Variants in FOXN2 observed in about 807,000 individuals in gnomAD.
FOXN2 encodes the protein forkhead box N2, also known as forkhead box protein N2.
A neutral mutation model predicts 41.2 loss-of-function variants in FOXN2; 19 were observed. The ratio of observed to expected loss-of-function variants is 0.46; its 90% CI spans 0.32 to 0.68. FOXN2 has a LOEUF of 0.68. Among genes scored for constraint, FOXN2 ranks in the 30% least tolerant of loss-of-function variants. The pLI is 0.03. For synonymous variants in FOXN2, 195 were observed against 176.8 expected (o/e 1.10, Z -0.82); for missense variants, 587 against 509.4 (o/e 1.15, Z -1.47).
intron 1 of FOXN2, among the ~76,000 whole-genome samples, chr2:48,324,760 G>A (rs768258362): frequency 6.6e-6 from 1 of 152,156 alleles, no homozygotes; most frequent in Non-Finnish European, 1.5e-5. Context: ...TAACTTTAGT[G>A]TTTATGAAGT....
chr2:48,341,969 C>T (rs1219076056), intron 2 of FOXN2, among the ~76,000 whole-genome samples: 1 of 152,172 alleles, frequency 6.6e-6, no homozygotes, highest in East Asian at 1.9e-4. Flanking sequence ...CTTGAGCTCT[C>T]TGATAAGTCC....
chr2:48,342,640 T>C (rs528273579), intron 2 of FOXN2, among the ~76,000 whole-genome samples: 1 of 152,210 alleles, frequency 6.6e-6, no homozygotes, highest in Non-Finnish European at 1.5e-5. Context: ...ATCATTTGCC[T>C]GTTTATCCAT....
chr2:48,361,640 A>C (rs778296214), intron 4 of FOXN2, among the ~76,000 whole-genome samples: 5 of 152,190 alleles, frequency 3.3e-5, no homozygotes, highest in Non-Finnish European at 7.3e-5. Flanking sequence ...AGTCTGAGGA[A>C]AAGAGTGAGA....
intron 5 of FOXN2, among the ~76,000 whole-genome samples, chr2:48,365,456 G>C (rs147232769): frequency 1.3e-5 from 2 of 152,252 alleles, no homozygotes; most frequent in African/African-American, 4.8e-5. Flanking sequence ...TACATATCTT[G>C]AGAACATTTT....
At chr2:48,344,432 A>G (rs1046670996) in intron 2 of FOXN2, among the ~76,000 whole-genome samples, 3 of 152,172 alleles carry the variant, frequency 2.0e-5, no homozygotes, top group Admixed American at 1.3e-4. Context: ...GCCAGCACAT[A>G]TTGTGGTTAG....
At chr2:48,320,077 A>G (rs1454590497) in intron 1 of FOXN2, among the ~76,000 whole-genome samples, 1 of 152,124 alleles carries the variant, frequency 6.6e-6, no homozygotes, top group Non-Finnish European at 1.5e-5. Flanking sequence ...AAATACAGAA[A>G]AAAAGGGGAA....
In FOXN2 at chr2:48,370,920, C is replaced by T. The variant is rs549811410; in HGVS notation, c.704-2372C>T. ...CTTTGTTTTCTCCTGGTAGTTTTAT[C>T]GTTTCAGTTCTTACATTTAGGTCTT... On this transcript the variant is annotated intron_variant, in intron 5 of 6. Coordinates refer to ENST00000340553, the MANE Select transcript of FOXN2 (RefSeq NM_002158.4). Among the ~76,000 whole-genome samples the T allele has an allele frequency of 3.3e-4, 50 of 152,212 alleles. 1 individual carries two copies. The highest frequency in any genetic ancestry group is 1.1e-3 in the African/African-American group (47 of 41,538).
rs1673381263 is a variant in FOXN2, at chr2:48,378,497, T to G, written c.*3054T>G. 1.3e-5 allele frequency: 2 copies of G among 151,666 alleles called. No homozygotes were observed. Among genetic ancestry groups the G allele is most frequent in the African/African-American group, 4.9e-5 (2 of 41,126 alleles). 9.4% of individuals were successfully genotyped at this position (151,666 alleles called of 1,614,324 possible). A position where few individuals can be genotyped will look rare whatever the true frequency, so the allele number is the denominator to read the frequency against. On this transcript the variant is annotated 3_prime_UTR_variant, in exon 7 of 7. Coordinates refer to ENST00000340553, the MANE Select transcript of FOXN2 (RefSeq NM_002158.4). ...ACTAGAGAATGTGTTAAGGAGGGAATGTATATGTCTTGGTAGACCAGGAGG... is the reference window on the plus strand; with the variant it reads ...ACTAGAGAATGTGTTAAGGAGGGAAGGTATATGTCTTGGTAGACCAGGAGG...
chr2:48,327,449 G>A (rs190428744), intron 1 of FOXN2, among the ~76,000 whole-genome samples: 37 of 147,860 alleles, frequency 2.5e-4, no homozygotes, highest in Admixed American at 2.4e-3. Context: ...TCTGGAGATA[G>A]TCTTTTTTTT....
chr2:48,370,665 C>T (rs2104522818), intron 5 of FOXN2, among the ~76,000 whole-genome samples: 1 of 152,128 alleles, frequency 6.6e-6, no homozygotes, highest in South Asian at 2.1e-4. Context: ...TGTTTGTTTT[C>T]CTGTTGAGAT....
chr2:48,362,318 C>A (rs1235383643), intron 4 of FOXN2, among the ~76,000 whole-genome samples: 1 of 152,170 alleles, frequency 6.6e-6, no homozygotes, highest in African/African-American at 2.4e-5. Flanking sequence ...GTAATTCCAG[C>A]ACTGTAGGAG....
chr2:48,369,061 T>C (rs973142763), intron 5 of FOXN2, among the ~76,000 whole-genome samples: 2 of 152,254 alleles, frequency 1.3e-5, no homozygotes, highest in African/African-American at 4.8e-5. Context: ...AATAAATCTA[T>C]TTAAGGTGTA....
chr2:48,331,272 A>G (rs1321503424), intron 2 of FOXN2, among the ~76,000 whole-genome samples: 1 of 152,244 alleles, frequency 6.6e-6, no homozygotes, highest in Non-Finnish European at 1.5e-5. Context: ...TAGACAATAT[A>G]ATGGATGAAA....
At chr2:48,342,388 G>T (rs1226484452) in intron 2 of FOXN2, among the ~76,000 whole-genome samples, 1 of 148,382 alleles carries the variant, frequency 6.7e-6, no homozygotes, top group African/African-American at 2.5e-5. Flanking sequence ...ACACATCGTG[G>T]GTTGGGAAGG....
In FOXN2 at chr2:48,376,259, C is replaced by G. The variant is rs1673240667; in HGVS notation, c.*816C>G. The G allele has an allele frequency of 6.6e-6, 1 of 152,068 alleles. No homozygotes were observed. Among genetic ancestry groups the G allele is most frequent in the African/African-American group, 2.4e-5 (1 of 41,410 alleles). The allele number at this position is 152,068 out of a possible 1,614,324, so 9.4% of individuals were successfully genotyped here. On this transcript the variant is annotated 3_prime_UTR_variant, in exon 7 of 7. Coordinates refer to ENST00000340553, the MANE Select transcript of FOXN2 (RefSeq NM_002158.4). ...TAAGTTATCCAGTGAGAGGATATAGCCAATTAAGTGTGTTATGGAGTACAC... is the reference window on the plus strand; with the variant it reads ...TAAGTTATCCAGTGAGAGGATATAGGCAATTAAGTGTGTTATGGAGTACAC...
At chr2:48,332,476 G>T (rs980983305) in intron 2 of FOXN2, among the ~76,000 whole-genome samples, 4 of 152,304 alleles carry the variant, frequency 2.6e-5, no homozygotes, top group Non-Finnish European at 5.9e-5. Flanking sequence ...AGAAAATGAT[G>T]AAAGACGTAT....
intron 5 of FOXN2, among the ~76,000 whole-genome samples, chr2:48,365,337 T>G (rs920329081): frequency 6.6e-6 from 1 of 152,214 alleles, no homozygotes; most frequent in African/African-American, 2.4e-5. Flanking sequence ...TCCTGTTACC[T>G]ACATCAGTCA....
intron 3 of FOXN2, among the ~76,000 whole-genome samples, chr2:48,351,937 G>C (rs1671475215): frequency 6.6e-6 from 1 of 152,194 alleles, no homozygotes; most frequent in Non-Finnish European, 1.5e-5. Context: ...TATTCTGCTG[G>C]GAGTTTGGGG....
chr2:48,327,590 C>T (rs1229427040), intron 1 of FOXN2, among the ~76,000 whole-genome samples: 1 of 152,042 alleles, frequency 6.6e-6, no homozygotes, highest in Non-Finnish European at 1.5e-5. Flanking sequence ...GGATTACAGG[C>T]ATGTGCCACC....
Sources: gnomAD v4.1 joint callset for allele counts (sites outside exome capture counted in the v4.1 genomes callset) on GRCh38, gnomAD v4.1.1 for gene constraint, MANE v1.5 for transcripts, NCBI Gene and HGNC (gene_info 2026-07-23, HGNC 2026-07-21) for gene names.